The following DGKB variants were observed in gnomAD, a reference collection of about 807,000 sequenced individuals.
DGKB encodes 90 kDa diacylglycerol kinase.
DGKB carries 67 observed loss-of-function variants against 114.3 expected under a neutral mutation model. That is an observed-to-expected ratio of 0.59 (90% CI 0.48 to 0.72). The LOEUF is 0.72. Ranked by LOEUF, DGKB falls within the 30% of genes least tolerant of loss-of-function variation. The pLI is 0.00. For synonymous variants in DGKB, 398 were observed against 323.1 expected, an observed-to-expected ratio of 1.23 and a Z score of -2.49; for missense variants, 907 against 975.2, an observed-to-expected ratio of 0.93 and a Z score of 0.93.
At chr7:14,610,725 C>T (rs1326127112) in intron 16 of DGKB, among the ~76,000 whole-genome samples, 1 of 151,978 alleles carries the variant, frequency 6.6e-6, no homozygotes, top group Non-Finnish European at 1.5e-5. Flanking sequence ...TCTGTGCCTT[C>T]CTAAAAGAAA....
intron 23 of DGKB, among the ~76,000 whole-genome samples, chr7:14,286,987 A>T (rs373707197): frequency 1.1e-4 from 16 of 152,216 alleles, no homozygotes; most frequent in African/African-American, 3.9e-4. Context: ...TACACATATT[A>T]ACTTTTACAA....
chr7:14,914,598 C>CA (rs1242940032), intron 1 of DGKB, among the ~76,000 whole-genome samples: 1 of 151,188 alleles, frequency 6.6e-6, no homozygotes. Context: ...TGGGTTTCAA[C>CA]AAAAAATTGT....
intron 2 of DGKB, among the ~76,000 whole-genome samples, chr7:14,764,654 G>A (rs1030419670): frequency 1.1e-4 from 16 of 151,882 alleles, no homozygotes; most frequent in Middle Eastern, 3.4e-3. Context: ...TTAAATACAT[G>A]CATAAAGAAA....
intron 21 of DGKB, among the ~76,000 whole-genome samples, chr7:14,371,668 C>T (rs1467492438): frequency 6.6e-6 from 1 of 152,076 alleles, no homozygotes; most frequent in East Asian, 1.9e-4. Flanking sequence ...GGCAGAAGCT[C>T]TTTAGTTTAA....
At chr7:14,969,124 G>A (rs1787321929) in intron 1 of DGKB, among the ~76,000 whole-genome samples, 1 of 152,072 alleles carries the variant, frequency 6.6e-6, no homozygotes, top group Non-Finnish European at 1.5e-5. Flanking sequence ...AACAACCAAA[G>A]GTAGGTAGAA....
At chr7:14,488,015 G>T (rs1401709040) in intron 20 of DGKB, among the ~76,000 whole-genome samples, 3 of 152,246 alleles carry the variant, frequency 2.0e-5, no homozygotes, top group Middle Eastern at 3.4e-3. Context: ...TGACAGGATT[G>T]AAAGCAAATG....
intron 5 of DGKB, among the ~76,000 whole-genome samples, chr7:14,721,956 A>G (rs752806452): frequency 6.6e-5 from 10 of 152,290 alleles, no homozygotes; most frequent in Admixed American, 3.9e-4. Flanking sequence ...TCTTCACTCA[A>G]GTCTTGCTTA....
chr7:14,308,767 T>G (rs565249165), intron 23 of DGKB, among the ~76,000 whole-genome samples: 19 of 152,314 alleles, frequency 1.2e-4, no homozygotes, highest in Admixed American at 1.1e-3. Context: ...AGAAAGCCCT[T>G]AGAGATTATG....
chr7:14,916,862 G>A (rs1369502463), intron 1 of DGKB, among the ~76,000 whole-genome samples: 1 of 151,796 alleles, frequency 6.6e-6, no homozygotes, highest in Non-Finnish European at 1.5e-5. Flanking sequence ...TTCCCATGGG[G>A]CACTCACCAA....
At chr7:14,282,434 C>G (rs1800124721) in intron 23 of DGKB, among the ~76,000 whole-genome samples, 2 of 147,288 alleles carry the variant, frequency 1.4e-5, no homozygotes, top group Non-Finnish European at 3.0e-5. Context: ...ACCAGAGGTA[C>G]AAGGAGGAAC....
chr7:14,686,026 AC>A (rs1311167845), intron 9 of DGKB, among the ~76,000 whole-genome samples: 2 of 152,116 alleles, frequency 1.3e-5, no homozygotes, highest in South Asian at 2.1e-4. Flanking sequence ...CATTTTGTTT[AC>A]CCCCTTATAA....
In DGKB at chr7:14,244,385, G is replaced by A. The variant is rs148964894; in HGVS notation, c.2123-66234C>T. 1.9e-3 allele frequency among the ~76,000 whole-genome samples: 288 copies of A among 152,166 alleles called. 2 individuals are homozygous for A. The highest frequency in any genetic ancestry group is 7.0e-3 in the East Asian group (36 of 5,162). On this transcript the variant is annotated intron_variant, in intron 23 of 25. Coordinates refer to ENST00000402815, the MANE Select transcript of DGKB (RefSeq NM_001350709.2). ...TTAGAAGAGGGTGCTGGCCGGGCGCGGTGGCTCACGCCTGTAATCCCAGCA... is the reference window on the plus strand; with the variant it reads ...TTAGAAGAGGGTGCTGGCCGGGCGCAGTGGCTCACGCCTGTAATCCCAGCA...
intron 2 of DGKB, among the ~76,000 whole-genome samples, chr7:14,804,098 T>TG (rs60634406): frequency 6.6e-5 from 10 of 151,608 alleles, no homozygotes; most frequent in Non-Finnish European, 1.5e-4. Context: ...TGTGTGTGTG[T>TG]TTAGTAATTT....
At chr7:14,161,550 G>T (rs1291134216) in intron 25 of DGKB, among the ~76,000 whole-genome samples, 2 of 151,976 alleles carry the variant, frequency 1.3e-5, no homozygotes, top group African/African-American at 4.8e-5. Context: ...ATCATTATCA[G>T]CAAACTAACA....
chr7:14,946,058 G>T (rs1035237381), intron 1 of DGKB, among the ~76,000 whole-genome samples: 1 of 151,274 alleles, frequency 6.6e-6, no homozygotes, highest in African/African-American at 2.4e-5. Flanking sequence ...GTATTATTTT[G>T]ACATTAATAG....
rs375376079 is a variant in DGKB, at chr7:14,253,269, G to T, written c.2123-75118C>A. On this transcript the variant is annotated intron_variant, in intron 23 of 25. Coordinates refer to ENST00000402815, the MANE Select transcript of DGKB (RefSeq NM_001350709.2). ...AGGCTGGTCTCGAACTCCTGACCTC[G>T]TGATCCGCCCGCCTCAGCCTCCTAA... 6.4e-4 allele frequency among the ~76,000 whole-genome samples: 98 copies of T among 152,046 alleles called. 1 individual carries two copies. The Middle Eastern group carries it at 0.014, about 21-fold the overall frequency.
intron 23 of DGKB, among the ~76,000 whole-genome samples, chr7:14,321,706 G>C (rs1044471111): frequency 6.6e-6 from 1 of 151,878 alleles, no homozygotes; most frequent in Non-Finnish European, 1.5e-5. Flanking sequence ...ACAGTCTATA[G>C]ATACAGTATT....
intron 21 of DGKB, among the ~76,000 whole-genome samples, chr7:14,381,678 A>G (rs548130718): frequency 1.3e-5 from 2 of 152,122 alleles, no homozygotes; most frequent in Non-Finnish European, 2.9e-5. Flanking sequence ...GCGTGATCAT[A>G]TTGAACTGCA....
At chr7:14,884,929 C>T (rs1439064318) in intron 1 of DGKB, among the ~76,000 whole-genome samples, 4 of 151,898 alleles carry the variant, frequency 2.6e-5, no homozygotes, top group Non-Finnish European at 5.9e-5. Flanking sequence ...CCTTAAATCA[C>T]GTAAAACTCA....
Sources: gnomAD v4.1 joint callset for allele counts (sites outside exome capture counted in the v4.1 genomes callset) on GRCh38, gnomAD v4.1.1 for gene constraint, MANE v1.5 for transcripts, NCBI Gene and HGNC (gene_info 2026-07-23, HGNC 2026-07-21) for gene names.